ALDH2: variants seen among roughly 807,000 people sequenced by gnomAD.
The protein encoded by ALDH2 is aldehyde dehydrogenase, mitochondrial.
In ALDH2, 44 loss-of-function variants were observed where a neutral mutation model predicts 59.6. That is an observed-to-expected ratio of 0.74 (90% CI 0.58 to 0.95). ALDH2 has a LOEUF of 0.95. ALDH2 is among the 40% of genes least tolerant of loss of function. The pLI is 0.00. For missense variants in ALDH2, 570 were observed against 696.3 expected, an observed-to-expected ratio of 0.82 and a Z score of 2.04; for synonymous variants, 291 against 284.0, an observed-to-expected ratio of 1.02 and a Z score of -0.25.
At chr12:111,770,698 G>A (rs1271880715) in intron 1 of ALDH2, among the ~76,000 whole-genome samples, 1 of 151,916 alleles carries the variant, frequency 6.6e-6, no homozygotes, top group Non-Finnish European at 1.5e-5. Flanking sequence ...AGGGTGGAGT[G>A]CAGTGGTGTG....
At chr12:111,784,979 C>T (rs1280054905) in intron 3 of ALDH2, among the ~76,000 whole-genome samples, 2 of 152,180 alleles carry the variant, frequency 1.3e-5, no homozygotes, top group African/African-American at 4.8e-5. Flanking sequence ...TGGTCTCTAT[C>T]CCAGCACCTG....
At chr12:111,793,954 C>T (rs1235849824) in intron 9 of ALDH2, among the ~76,000 whole-genome samples, 1 of 151,716 alleles carries the variant, frequency 6.6e-6, no homozygotes, top group Non-Finnish European at 1.5e-5. Flanking sequence ...GCCCTGAAAC[C>T]CCCGTCCTCC....
intron 1 of ALDH2, among the ~76,000 whole-genome samples, chr12:111,768,463 A>G (rs533528545): frequency 6.6e-6 from 1 of 152,256 alleles, no homozygotes; most frequent in Non-Finnish European, 1.5e-5. Flanking sequence ...AATCTTTTGC[A>G]TAACACAAGC....
At chr12:111,790,793 G>A (rs1036441701) in intron 6 of ALDH2, among the ~76,000 whole-genome samples, 11 of 152,088 alleles carry the variant, frequency 7.2e-5, no homozygotes, top group Admixed American at 4.6e-4. Flanking sequence ...GGTGGCTCAC[G>A]CCTGCAATCC....
rs766339559 is a variant in ALDH2, at chr12:111,781,881, C to T, written c.115-37C>T. On this transcript the variant is annotated intron_variant, in intron 1 of 12. Transcript: ENST00000261733. ...ATACTGGTAGTCAGTATTAGGTTGA[C>T]AGCTGGTCCTGAGAACTTCTTTCCT... is the stretch of plus-strand genomic sequence containing the variant. 43 of 1,490,818 alleles carry T rather than the reference C, an allele frequency of 2.9e-5. 1 individual carries two copies. The highest frequency in any genetic ancestry group is 3.4e-4 in the Middle Eastern group (2 of 5,826). The allele number at this position is 1,490,818 out of a possible 1,614,324, so 92.3% of individuals were successfully genotyped here. A position where few individuals can be genotyped will look rare whatever the true frequency, so the allele number is the denominator to read the frequency against.
rs2068163225 is a variant in ALDH2, at chr12:111,767,022, C to G, written c.40C>G (p.Arg14Gly). Residue 14 changes from arginine to glycine, a missense_variant, in exon 1 of 13, where the codon CGC (arginine) becomes GGC (glycine). Transcript: ENST00000261733. Reference sequence around the variant, plus strand: ...CGCCCGCTTCGGGCCCCGCCTGGGCCGCCGCCTCTTGTCAGCCGCCGCCAC... The same window carrying G: ...CGCCCGCTTCGGGCCCCGCCTGGGCGGCCGCCTCTTGTCAGCCGCCGCCAC... ...AAARFGPRLG[R>G]RLLSAAATQA... 6.6e-7 allele frequency: 1 copy of G among 1,524,932 alleles called. No homozygotes were observed. The highest frequency in any genetic ancestry group is 1.4e-5 in the African/African-American group (1 of 70,648). 94.5% of individuals were successfully genotyped at this position (1,524,932 alleles called of 1,614,324 possible). A position where few individuals can be genotyped will look rare whatever the true frequency, so the allele number is the denominator to read the frequency against.
intron 9 of ALDH2, among the ~76,000 whole-genome samples, chr12:111,793,149 A>G (rs2136019870): frequency 6.6e-6 from 1 of 152,308 alleles, no homozygotes. Flanking sequence ...TCTGAGAGCC[A>G]TGGTATGGCT....
intron 10 of ALDH2, among the ~76,000 whole-genome samples, chr12:111,799,164 A>AT (rs1566193158): frequency 6.7e-6 from 1 of 149,958 alleles, no homozygotes; most frequent in Non-Finnish European, 1.5e-5. Flanking sequence ...CGCCCGGCTT[A>AT]TTTTTTCTCT....
chr12:111,810,087 G>A lies in ALDH2; in HGVS notation c.*512G>A, dbSNP rs1047307825. On this transcript the variant is annotated 3_prime_UTR_variant, in exon 13 of 13. Transcript: ENST00000261733. ...GGAAGCCGAGGCGGGTGGATCACTC[G>A]AGGTCAGGAGTTTGAGACCAGCCTG... 1.2e-5 allele frequency: 2 copies of A among 171,148 alleles called. No homozygotes were observed. Among genetic ancestry groups the A allele is most frequent in the African/African-American group, 4.8e-5 (2 of 41,900 alleles). 10.6% of individuals were successfully genotyped at this position (171,148 alleles called of 1,614,324 possible).
chr12:111,815,999 G>A lies in ALDH2; in HGVS notation c.*6424G>A, dbSNP rs923190082. 2 of 151,996 alleles carry A rather than the reference G, an allele frequency of 1.3e-5. No homozygotes were observed. The highest frequency in any genetic ancestry group is 6.6e-5 in the Admixed American group (1 of 15,246). 9.4% of individuals were successfully genotyped at this position (151,996 alleles called of 1,614,324 possible). A position where few individuals can be genotyped will look rare whatever the true frequency, so the allele number is the denominator to read the frequency against. Reference sequence around the variant, plus strand: ...TTTGAAGTAACCTCTCTGATAGTACGGATATTTATCCCCTCAAAATCTCAT... The same window carrying A: ...TTTGAAGTAACCTCTCTGATAGTACAGATATTTATCCCCTCAAAATCTCAT... On this transcript the variant is annotated 3_prime_UTR_variant, in exon 13 of 13. Transcript: ENST00000261733.
intron 1 of ALDH2, among the ~76,000 whole-genome samples, chr12:111,774,259 C>T (rs951580689): frequency 6.6e-6 from 1 of 152,132 alleles, no homozygotes; most frequent in African/African-American, 2.4e-5. Flanking sequence ...CTGCCCCTCG[C>T]CTTGATCCCC....
In ALDH2 at chr12:111,792,749, C is replaced by T. The variant is rs112460655; in HGVS notation, c.1050C>T (p.Asn350=). The part of the protein sequence containing the change: ...VARAKSRVVG[N]PFDSKTEQGP... ...GGGCCAAGTCTCGGGTGGTCGGGAA[C>T]CCCTTTGATAGCAAGACCGAGCAGG... Residue 350 remains asparagine (N), a synonymous_variant, in exon 9 of 13, where the codon AAC becomes AAT. Coordinates refer to ENST00000261733, the MANE Select transcript of ALDH2 (RefSeq NM_000690.4). 6.4e-7 allele frequency: 1 copy of T among 1,560,082 alleles called. No homozygotes were observed. The highest frequency in any genetic ancestry group is 8.7e-7 in the Non-Finnish European group (1 of 1,152,868).
rs112169152 is a variant in ALDH2, at chr12:111,774,228, C to T, written c.114+7132C>T. 2.6e-5 allele frequency among the ~76,000 whole-genome samples: 4 copies of T among 152,130 alleles called. No homozygotes were observed. In the South Asian group the frequency reaches 6.2e-4, roughly 24 times the overall value. Reference sequence around the variant, plus strand: ...GGTTAGTCTTGGTTCGGGAGTGTCCCGAGCAAGCCTGGGGAGATGACTGCC... The same window carrying T: ...GGTTAGTCTTGGTTCGGGAGTGTCCTGAGCAAGCCTGGGGAGATGACTGCC... On this transcript the variant is annotated intron_variant, in intron 1 of 12. Coordinates refer to ENST00000261733, the MANE Select transcript of ALDH2 (RefSeq NM_000690.4).
intron 4 of ALDH2, 119 bp downstream of exon 4, chr12:111,785,465 T>A (rs958770144): frequency 1.2e-6 from 1 of 840,454 alleles, no homozygotes; most frequent in Non-Finnish European, 1.9e-6. Context: ...ATCTCATGCC[T>A]ATAATCCCAG....
rs759333754 is a variant in ALDH2 at position 111,803,859 on chromosome 12, G to C, written c.1407G>C (p.Trp469Cys). 6.2e-7 allele frequency: 1 copy of C among 1,604,978 alleles called. No homozygotes were observed. The highest frequency in any genetic ancestry group is 1.7e-5 in the Admixed American group (1 of 59,322). Residue 469 changes from tryptophan (W) to cysteine (C), a missense_variant and splice_region_variant, in exon 12 of 13, where the codon TGG becomes TGC. Trp to Cys is a radical substitution (Grantham distance 215). Coordinates refer to ENST00000261733, the MANE Select transcript of ALDH2 (RefSeq NM_000690.4). ...TCTGCAATCTCGTTTCAAATTACAG[G>C]GTCAACTGCTATGATGTGTTTGGAG... ...LSQALQAGTVWVNCYDVFGAQ... is the reference protein window; with the variant it reads ...LSQALQAGTVCVNCYDVFGAQ...
At chr12:111,799,797 T>A in intron 10 of ALDH2, 109 bp from the exon 11 acceptor site, 1 of 1,309,044 alleles carries the variant, frequency 7.6e-7, no homozygotes, top group Non-Finnish European at 1.0e-6. Flanking sequence ...TGTTAGAGCA[T>A]GGCTGGGGGC....
At chr12:111,794,488 G>T (rs1310817528) in intron 9 of ALDH2, among the ~76,000 whole-genome samples, 1 of 152,058 alleles carries the variant, frequency 6.6e-6, no homozygotes, top group Non-Finnish European at 1.5e-5. Context: ...ATGGGACAGG[G>T]TTATGTGCCC....
chr12:111,772,460 G>A (rs1408723729), intron 1 of ALDH2, among the ~76,000 whole-genome samples: 3 of 152,010 alleles, frequency 2.0e-5, no homozygotes, highest in Non-Finnish European at 4.4e-5. Context: ...TGCCTCCCGG[G>A]TTCAAGCGAT....
At chr12:111,795,159 A>G (rs2068393031) in intron 9 of ALDH2, among the ~76,000 whole-genome samples, 2 of 152,224 alleles carry the variant, frequency 1.3e-5, no homozygotes, top group Non-Finnish European at 2.9e-5. Context: ...ATGTATCAGA[A>G]CATAAAAGGC....
Sources: allele counts gnomAD v4.1 joint callset (sites outside exome capture counted in the v4.1 genomes callset), GRCh38; gene constraint gnomAD v4.1.1; transcripts MANE v1.5; gene names NCBI Gene and HGNC (gene_info 2026-07-23, HGNC 2026-07-21).